The following FMN2 variants were observed in gnomAD, a reference collection of about 807,000 sequenced individuals.
FMN2 encodes formin-2.
In FMN2, 51 loss-of-function variants were observed where a neutral mutation model predicts 142.3. That is an observed-to-expected ratio of 0.36 (90% confidence interval 0.29 to 0.45). The LOEUF is 0.45. Among genes scored for constraint, FMN2 ranks in the 20% least tolerant of loss-of-function variants. The pLI, the probability that FMN2 is intolerant of heterozygous loss-of-function variation, is 1.00. For synonymous variants in FMN2, 882 were observed against 869.8 expected (o/e 1.01, Z -0.25); for missense variants, 1,936 against 2,122.8 (o/e 0.91, Z 1.73).
At chr1:240,422,401 C>A (rs2103144822) in intron 15 of FMN2, among the ~76,000 whole-genome samples, 1 of 152,212 alleles carries the variant, frequency 6.6e-6, no homozygotes, top group Non-Finnish European at 1.5e-5. Flanking sequence ...TTATTTAGTT[C>A]TTCTTTCCAA....
At chr1:240,265,989 G>A (rs1421504781) in intron 7 of FMN2, among the ~76,000 whole-genome samples, 1 of 145,682 alleles carries the variant, frequency 6.9e-6, no homozygotes, top group African/African-American at 2.5e-5. Flanking sequence ...TGGGACAAAA[G>A]GAGGGTGTAG....
intron 15 of FMN2, 138 bp from the exon 16 acceptor site, chr1:240,437,923 G>A (rs1435575936): frequency 3.8e-6 from 4 of 1,041,820 alleles, no homozygotes; most frequent in African/African-American, 3.2e-5. Flanking sequence ...GAGAGCTACT[G>A]TTGGTGCTTG....
chr1:240,228,303 C>CAAAAAAAAAAAAAAAAAAAAAAAAAAAA (rs577421634), intron 6 of FMN2, among the ~76,000 whole-genome samples: 21 of 47,742 alleles, frequency 4.4e-4, no homozygotes, highest in Non-Finnish European at 5.3e-4. Context: ...AACTCTGTCT[C>CAAAAAAAAAAAAAAAAAAAAAAAAAAAA]AAAAAAAAAA....
At chr1:240,300,780 G>A (rs2102971828) in intron 8 of FMN2, among the ~76,000 whole-genome samples, 1 of 152,124 alleles carries the variant, frequency 6.6e-6, no homozygotes, top group Middle Eastern at 3.4e-3. Context: ...TCTCTTGGAT[G>A]TTGCTTTTTA....
chr1:240,262,759 C>CTTTTTTT (rs764626617), intron 7 of FMN2, among the ~76,000 whole-genome samples: 3 of 117,788 alleles, frequency 2.5e-5, no homozygotes, highest in African/African-American at 9.7e-5. Context: ...AAAACTTTTA[C>CTTTTTTT]TTTTTTTTTT....
intron 7 of FMN2, among the ~76,000 whole-genome samples, chr1:240,288,816 G>A (rs564506496): frequency 6.6e-6 from 1 of 152,092 alleles, no homozygotes; most frequent in African/African-American, 2.4e-5. Flanking sequence ...CAGACTTCCA[G>A]CCAACCAGTA....
intron 7 of FMN2, among the ~76,000 whole-genome samples, chr1:240,276,584 T>C (rs1669221432): frequency 6.6e-6 from 1 of 152,080 alleles, no homozygotes; most frequent in Non-Finnish European, 1.5e-5. Flanking sequence ...AAATGCACAA[T>C]TCATATTGTT....
At chr1:240,401,826 G>A (rs557050072) in intron 15 of FMN2, among the ~76,000 whole-genome samples, 42 of 152,190 alleles carry the variant, frequency 2.8e-4, no homozygotes, top group Non-Finnish European at 4.7e-4. Flanking sequence ...TGGACAGGAC[G>A]CTGACATTTC....
intron 1 of FMN2, among the ~76,000 whole-genome samples, chr1:240,114,743 C>T (rs899926146): frequency 2.0e-5 from 3 of 151,528 alleles, no homozygotes; most frequent in East Asian, 1.9e-4. Flanking sequence ...CTGCAACCTC[C>T]GCTTCCCAAG....
intron 1 of FMN2, among the ~76,000 whole-genome samples, chr1:240,120,591 T>G (rs1662195541): frequency 6.6e-6 from 1 of 152,156 alleles, no homozygotes. Flanking sequence ...ATCAGCAAGT[T>G]TATATGTCAG....
intron 1 of FMN2, among the ~76,000 whole-genome samples, chr1:240,099,554 T>G (rs1402649041): frequency 6.6e-6 from 1 of 152,124 alleles, no homozygotes; most frequent in Non-Finnish European, 1.5e-5. Context: ...AACCCCTGAC[T>G]TTGCAGCTTT....
At chr1:240,205,448 GCT>G (rs371664003) in intron 4 of FMN2, among the ~76,000 whole-genome samples, 160 of 146,228 alleles carry the variant, frequency 1.1e-3, no homozygotes, top group African/African-American at 3.9e-3. Flanking sequence ...AGAAGGCAAT[GCT>G]CTTTCCTTTT....
At chr1:240,320,322 T>A (rs1269680873) in intron 8 of FMN2, among the ~76,000 whole-genome samples, 1 of 152,102 alleles carries the variant, frequency 6.6e-6, no homozygotes, top group Non-Finnish European at 1.5e-5. Context: ...TTCTTTTATG[T>A]GATTAATTAA....
At chr1:240,437,338 G>T (rs941577748) in intron 15 of FMN2, among the ~76,000 whole-genome samples, 1 of 132,862 alleles carries the variant, frequency 7.5e-6, no homozygotes, top group African/African-American at 2.9e-5. Flanking sequence ...CTGTTGCCCC[G>T]GCTGGAGTGC....
intron 7 of FMN2, among the ~76,000 whole-genome samples, chr1:240,286,302 T>C (rs2102946180): frequency 6.6e-6 from 1 of 152,298 alleles, no homozygotes; most frequent in South Asian, 2.1e-4. Context: ...ACAATTGTGA[T>C]TGCTGTGTCT....
chr1:240,328,745 A>G (rs1387403917), intron 8 of FMN2, among the ~76,000 whole-genome samples: 2 of 152,148 alleles, frequency 1.3e-5, no homozygotes, highest in African/African-American at 4.8e-5. Context: ...ACCTGCCACC[A>G]TGCCCCGCTA....
rs550877041 is a variant in FMN2 at position 240,251,896 on chromosome 1, G to A, written c.4066-6049G>A. Among the ~76,000 whole-genome samples, 5 of 152,162 alleles carry A rather than the reference G, an allele frequency of 3.3e-5. No homozygotes were observed. In the South Asian group the frequency reaches 1.0e-3, roughly 32 times the overall value. On this transcript the variant is annotated intron_variant, in intron 6 of 17. Coordinates refer to ENST00000319653, the MANE Select transcript of FMN2 (RefSeq NM_020066.5). ...CAAGTCATTTCCTTAATTGATTTCTGTATTTTATTTTGTTTTATTTATTTA... is the reference window on the plus strand; with the variant it reads ...CAAGTCATTTCCTTAATTGATTTCTATATTTTATTTTGTTTTATTTATTTA...
intron 15 of FMN2, among the ~76,000 whole-genome samples, chr1:240,404,026 T>C (rs1674073015): frequency 6.6e-6 from 1 of 152,188 alleles, no homozygotes; most frequent in African/African-American, 2.4e-5. Context: ...AGTGGTATTT[T>C]AGCAAAGCCA....
Position 240,188,238 on chromosome 1 carries a change from A to G in FMN2, c.1962A>G (p.Gln654=), listed in dbSNP as rs144870942. Residue 654 remains glutamine (Q), a synonymous_variant, in exon 4 of 18, where the codon CAA becomes CAG. Transcript: ENST00000319653. ...AATCTGCTGTTTCAGAAACTCCCCAAAAACGCTCAGATGCTGTCCAGAAGG... is the reference window on the plus strand; with the variant it reads ...AATCTGCTGTTTCAGAAACTCCCCAGAAACGCTCAGATGCTGTCCAGAAGG... ...ESQSAVSETP[Q]KRSDAVQKEV... 433 of 1,613,948 alleles carry G rather than the reference A, an allele frequency of 2.7e-4. 3 individuals carry two copies. In the African/African-American group the frequency reaches 5.2e-3, roughly 19 times the overall value.
Sources: gnomAD v4.1 joint callset for allele counts (sites outside exome capture counted in the v4.1 genomes callset) on GRCh38, gnomAD v4.1.1 for gene constraint, MANE v1.5 for transcripts, NCBI Gene and HGNC (gene_info 2026-07-23, HGNC 2026-07-21) for gene names.